Variants in HS6ST2 observed in about 807,000 individuals in gnomAD.
HS6ST2 encodes the protein heparan sulfate 6-O-sulfotransferase 2.
HS6ST2 carries 17 observed loss-of-function variants against 33.0 expected under a neutral mutation model. That is an observed-to-expected ratio of 0.52 (90% confidence interval 0.35 to 0.77). HS6ST2 has a LOEUF of 0.77. HS6ST2 is among the 30% of genes least tolerant of loss of function. HS6ST2 has a pLI of 0.01. For synonymous variants in HS6ST2, 248 were observed against 237.1 expected (o/e 1.05, Z -0.42); for missense variants, 519 against 551.7 (o/e 0.94, Z 0.59).
chrX:132,913,668 T>C lies in HS6ST2; in HGVS notation c.947+43140A>G, dbSNP rs753204814. On this transcript the variant is annotated intron_variant, in intron 2 of 4. Transcript: ENST00000370833. ...CCTGAGTGAGATCCAGGCATGGCCATCGCTGGCTGCAGAGGTCTCCAGCTG... is the reference window on the plus strand; with the variant it reads ...CCTGAGTGAGATCCAGGCATGGCCACCGCTGGCTGCAGAGGTCTCCAGCTG... Among the ~76,000 whole-genome samples, 5 of 112,352 alleles carry C rather than the reference T, an allele frequency of 4.5e-5. No homozygotes were observed. In the East Asian group the frequency reaches 1.1e-3, roughly 26 times the overall value.
chrX:132,828,706 AC>A (rs2065553976), intron 2 of HS6ST2, among the ~76,000 whole-genome samples: 1 of 83,426 alleles, frequency 1.2e-5, no homozygotes, highest in Non-Finnish European at 2.4e-5. Context: ...ACACACACAC[AC>A]ACACACACAC....
chrX:132,708,094 T>C (rs1291795916), intron 3 of HS6ST2, among the ~76,000 whole-genome samples: 1 of 110,365 alleles, frequency 9.1e-6, no homozygotes, highest in Non-Finnish European at 1.9e-5. Context: ...CCTGAAGCAC[T>C]GTAAAGAACA....
At chrX:132,785,846 G>A (rs952880154) in intron 2 of HS6ST2, among the ~76,000 whole-genome samples, 3 of 111,638 alleles carry the variant, frequency 2.7e-5, no homozygotes, top group African/African-American at 9.8e-5. Context: ...ACCAACTGAG[G>A]GAGCACCGTC....
At chrX:132,708,831 A>G (rs1465403863) in intron 2 of HS6ST2, among the ~76,000 whole-genome samples, 7 of 112,201 alleles carry the variant, frequency 6.2e-5, no homozygotes, top group Non-Finnish European at 1.1e-4. Flanking sequence ...ACAAAAGCCA[A>G]TAAAACAAAA....
chrX:132,871,544 T>C (rs763211850), intron 2 of HS6ST2, among the ~76,000 whole-genome samples: 2 of 112,019 alleles, frequency 1.8e-5, no homozygotes, highest in Admixed American at 9.5e-5. Flanking sequence ...TGCCCATCAA[T>C]GACAGACTGG....
intron 2 of HS6ST2, among the ~76,000 whole-genome samples, chrX:132,766,264 T>TA (rs1243602094): frequency 1.8e-5 from 2 of 112,639 alleles, no homozygotes. Flanking sequence ...AATGAATCTT[T>TA]CACCATTAAT....
At chrX:132,865,922 T>C (rs985888627) in intron 2 of HS6ST2, among the ~76,000 whole-genome samples, 4 of 111,994 alleles carry the variant, frequency 3.6e-5, no homozygotes, top group African/African-American at 1.3e-4. Context: ...TCTCCCATTT[T>C]GTAGGTTGCC....
At chrX:132,905,629 T>C (rs1352719136) in intron 2 of HS6ST2, among the ~76,000 whole-genome samples, 1 of 112,041 alleles carries the variant, frequency 8.9e-6, no homozygotes, top group East Asian at 2.8e-4. Context: ...TAGCCTGACA[T>C]TTGGAGGGGC....
intron 2 of HS6ST2, among the ~76,000 whole-genome samples, chrX:132,863,843 T>C (rs954169951): frequency 1.8e-5 from 2 of 111,576 alleles, no homozygotes; most frequent in African/African-American, 6.5e-5. Context: ...TCCATCAGTA[T>C]GCAGACAATT....
chrX:132,789,980 G>A (rs979558692), intron 2 of HS6ST2, among the ~76,000 whole-genome samples: 4 of 112,437 alleles, frequency 3.6e-5, no homozygotes, highest in South Asian at 3.7e-4. Flanking sequence ...GTGAATAATC[G>A]TGTTGAAATG....
intron 2 of HS6ST2, among the ~76,000 whole-genome samples, chrX:132,789,283 T>C (rs749118697): frequency 6.3e-5 from 7 of 111,640 alleles, no homozygotes; most frequent in Non-Finnish European, 9.4e-5. Flanking sequence ...TTAAGAATTA[T>C]GTTAAATCTA....
chrX:132,820,735 T>G (rs1306646585), intron 2 of HS6ST2, among the ~76,000 whole-genome samples: 1 of 99,549 alleles, frequency 1.0e-5, no homozygotes, highest in Non-Finnish European at 2.0e-5. Context: ...TAATGGGGCA[T>G]GAGCACTGTA....
At chrX:132,920,886 C>G (rs759248905) in intron 2 of HS6ST2, among the ~76,000 whole-genome samples, 12 of 112,314 alleles carry the variant, frequency 1.1e-4, no homozygotes, top group Non-Finnish European at 2.3e-4. Flanking sequence ...GCCCCTGCCT[C>G]TGCTCCCACC....
chrX:132,726,731 G>A (rs1231739464), intron 2 of HS6ST2, among the ~76,000 whole-genome samples: 3 of 111,291 alleles, frequency 2.7e-5, no homozygotes, highest in Non-Finnish European at 3.8e-5. Context: ...TTCCTATTCT[G>A]GACATTTCAA....
chrX:132,771,490 A>AT (rs2064899362), intron 2 of HS6ST2, among the ~76,000 whole-genome samples: 1 of 111,543 alleles, frequency 9.0e-6, no homozygotes, highest in Admixed American at 9.6e-5. Flanking sequence ...ATGAGATGTT[A>AT]TTTTTTTCCC....
chrX:132,633,077 C>CA (rs140506922), intron 4 of HS6ST2, among the ~76,000 whole-genome samples: 25 of 64,800 alleles, frequency 3.9e-4, no homozygotes, highest in South Asian at 2.7e-3. Flanking sequence ...GACTCCATCT[C>CA]AAAAAAAAAA....
At chrX:132,816,567 C>A (rs2065396480) in intron 2 of HS6ST2, among the ~76,000 whole-genome samples, 1 of 112,060 alleles carries the variant, frequency 8.9e-6, no homozygotes, top group African/African-American at 3.2e-5. Context: ...ATATTAATTA[C>A]TGGGAATATA....
chrX:132,840,715 G>A (rs2065700240), intron 2 of HS6ST2, among the ~76,000 whole-genome samples: 1 of 110,839 alleles, frequency 9.0e-6, no homozygotes, highest in Admixed American at 9.7e-5. Flanking sequence ...ATCTGGCCAT[G>A]ACTAAGAATT....
chrX:132,864,327 C>T (rs922035873), intron 2 of HS6ST2, among the ~76,000 whole-genome samples: 1 of 108,738 alleles, frequency 9.2e-6, no homozygotes, highest in Non-Finnish European at 1.9e-5. Flanking sequence ...CACATTCTAA[C>T]CCAACACAAG....
Sources: gnomAD v4.1 joint callset for allele counts (sites outside exome capture counted in the v4.1 genomes callset) on GRCh38, gnomAD v4.1.1 for gene constraint, MANE v1.5 for transcripts, NCBI Gene and HGNC (gene_info 2026-07-23, HGNC 2026-07-21) for gene names.